The following SLC8A1 variants were observed in gnomAD, a reference collection of about 807,000 sequenced individuals.
The protein encoded by SLC8A1 is solute carrier family 8 member A1.
Under a neutral mutation model 68.3 loss-of-function variants are expected in SLC8A1, and 18 were observed. The ratio of observed to expected loss-of-function variants is 0.26; its 90% CI spans 0.18 to 0.39. The LOEUF is 0.39. Among genes scored for constraint, SLC8A1 ranks in the 10% least tolerant of loss-of-function variants. SLC8A1 has a pLI of 1.00. For synonymous variants in SLC8A1, 475 were observed against 415.5 expected (o/e 1.14, Z -1.74); for missense variants, 985 against 1,156.7 (o/e 0.85, Z 2.15).
chr2:40,393,453 A>C (rs1685943401), intron 2 of SLC8A1, among the ~76,000 whole-genome samples: 1 of 152,100 alleles, frequency 6.6e-6, no homozygotes, highest in African/African-American at 2.4e-5. Context: ...GCTATGTTCC[A>C]AATGATTTTC....
chr2:40,379,644 CT>C (rs34939348), intron 2 of SLC8A1, among the ~76,000 whole-genome samples: 13,414 of 146,276 alleles, frequency 0.092, 706 homozygotes, highest in East Asian at 0.19. Context: ...ATGATTTTGC[CT>C]TTTTTTTTTT....
At chr2:40,426,917 G>C (rs989300638) in intron 2 of SLC8A1, among the ~76,000 whole-genome samples, 7 of 151,730 alleles carry the variant, frequency 4.6e-5, no homozygotes, top group Non-Finnish European at 8.8e-5. Context: ...GTGTTAACCT[G>C]GGCACACATG....
At chr2:40,341,703 A>G (rs1370695707) in intron 2 of SLC8A1, among the ~76,000 whole-genome samples, 1 of 152,168 alleles carries the variant, frequency 6.6e-6, no homozygotes, top group Non-Finnish European at 1.5e-5. Flanking sequence ...TTTCAAGATT[A>G]TATAAATGTG....
intron 2 of SLC8A1, among the ~76,000 whole-genome samples, chr2:40,249,005 A>G (rs1261569338): frequency 6.6e-6 from 1 of 152,208 alleles, no homozygotes; most frequent in Non-Finnish European, 1.5e-5. Context: ...TTCATTGAGA[A>G]CAGGATGACG....
At chr2:40,236,335 A>C (rs2060366771) in intron 2 of SLC8A1, among the ~76,000 whole-genome samples, 1 of 152,034 alleles carries the variant, frequency 6.6e-6, no homozygotes, top group Non-Finnish European at 1.5e-5. Flanking sequence ...TGTTGAATTG[A>C]TCTCTTTACC....
At chr2:40,405,466 G>C (rs1221767216) in intron 2 of SLC8A1, among the ~76,000 whole-genome samples, 1 of 152,186 alleles carries the variant, frequency 6.6e-6, no homozygotes, top group African/African-American at 2.4e-5. Context: ...CAATGGATGT[G>C]TCATGATCTA....
chr2:40,409,012 C>T (rs6726520), intron 2 of SLC8A1, among the ~76,000 whole-genome samples: 97,011 of 151,996 alleles, frequency 0.64, 32,955 homozygotes, highest in East Asian at 0.95. Flanking sequence ...GCGTTTTAAA[C>T]AGTAGTCAAT....
At chr2:40,225,238 G>C (rs921742302) in intron 2 of SLC8A1, among the ~76,000 whole-genome samples, 15 of 152,144 alleles carry the variant, frequency 9.9e-5, no homozygotes, top group African/African-American at 3.6e-4. Flanking sequence ...CTAGTTGTGT[G>C]ACTGTGGGCA....
intron 2 of SLC8A1, among the ~76,000 whole-genome samples, chr2:40,355,290 T>A (rs1440242745): frequency 3.3e-5 from 5 of 152,184 alleles, no homozygotes; most frequent in African/African-American, 9.7e-5. Context: ...ACAACATGCA[T>A]GATATTCTCA....
chr2:40,379,316 G>A (rs78068488), intron 2 of SLC8A1, among the ~76,000 whole-genome samples: 1,523 of 152,106 alleles, frequency 0.01, 17 homozygotes, highest in African/African-American at 0.03. Flanking sequence ...TCTATACCTC[G>A]CTAGTTTCTG....
At chr2:40,147,169 C>T (rs1439407166) in intron 6 of SLC8A1, among the ~76,000 whole-genome samples, 4 of 152,064 alleles carry the variant, frequency 2.6e-5, no homozygotes, top group African/African-American at 9.7e-5. Context: ...CATGCAAGTT[C>T]GATTATTACC....
At chr2:40,497,162 T>C (rs1049449255) in intron 1 of SLC8A1, among the ~76,000 whole-genome samples, 3 of 152,080 alleles carry the variant, frequency 2.0e-5, no homozygotes, top group Non-Finnish European at 4.4e-5. Context: ...TTTAACAGCA[T>C]GGAGTTAAAT....
intron 2 of SLC8A1, among the ~76,000 whole-genome samples, chr2:40,407,082 T>G (rs1028861204): frequency 6.6e-6 from 1 of 152,124 alleles, no homozygotes; most frequent in African/African-American, 2.4e-5. Context: ...TGTGGGTGTG[T>G]GTGAGAGGGA....
At chr2:40,304,316 C>G (rs1044186869) in intron 2 of SLC8A1, among the ~76,000 whole-genome samples, 1 of 152,146 alleles carries the variant, frequency 6.6e-6, no homozygotes, top group African/African-American at 2.4e-5. Flanking sequence ...GTTGGAATAG[C>G]AATTTTCAAT....
chr2:40,113,685 C>T (rs574511632), exon 8 of SLC8A1: 1 of 152,734 alleles, frequency 6.5e-6, no homozygotes, highest in African/African-American at 2.4e-5. Flanking sequence ...CACTATCTAC[C>T]ATCTGTGCCA....
chr2:40,485,076 C>T (rs570979612), intron 1 of SLC8A1, among the ~76,000 whole-genome samples: 4 of 152,184 alleles, frequency 2.6e-5, no homozygotes, highest in African/African-American at 9.6e-5. Context: ...TTGCTTCTTT[C>T]CCTTCCCCAG....
chr2:40,310,193 T>C (rs900893263), intron 2 of SLC8A1, among the ~76,000 whole-genome samples: 18 of 152,238 alleles, frequency 1.2e-4, no homozygotes, highest in Admixed American at 1.2e-3. Flanking sequence ...GCTTTTCTTT[T>C]CTTCCAGATG....
chr2:40,215,247 C>T (rs2057279610), intron 2 of SLC8A1, among the ~76,000 whole-genome samples: 1 of 152,064 alleles, frequency 6.6e-6, no homozygotes, highest in Non-Finnish European at 1.5e-5. Context: ...CTCACTGCAA[C>T]CTTGAACTCC....
At position 40,419,748 on chromosome 2, in the gene SLC8A1, T is replaced by A. The variant is rs4952622; in HGVS notation, c.1808+8725A>T. ...ATTGCGCCCTAAGAATTAAACCCTA[T>A]GCAAATAGGACTTAATTTTGCGTTC... On this transcript the variant is annotated intron_variant, in intron 2 of 7. Coordinates refer to ENST00000406785, the Ensembl canonical transcript of SLC8A1. Among the ~76,000 whole-genome samples the A allele has an allele frequency of 2.6e-3, 394 of 152,298 alleles. 3 individuals are homozygous for A. The highest frequency in any genetic ancestry group is 0.019 in the Admixed American group (287 of 15,278).
Sources: allele counts gnomAD v4.1 joint callset (sites outside exome capture counted in the v4.1 genomes callset), GRCh38; gene constraint gnomAD v4.1.1; transcripts MANE v1.5; gene names NCBI Gene and HGNC (gene_info 2026-07-23, HGNC 2026-07-21).